Variants in AGAP1 observed in about 807,000 individuals in gnomAD.
AGAP1 encodes arf-GAP with GTPase, ANK repeat and PH domain-containing protein 1.
AGAP1 carries 29 observed loss-of-function variants against 105.3 expected under a neutral mutation model. That is an observed-to-expected ratio of 0.28 (90% confidence interval 0.21 to 0.38). AGAP1 has a LOEUF of 0.38. Ranked by LOEUF, AGAP1 falls within the 10% of genes least tolerant of loss-of-function variation. The pLI is 1.00. For synonymous variants in AGAP1, 509 were observed against 485.9 expected (o/e 1.05, Z -0.63); for missense variants, 998 against 1,165.1 (o/e 0.86, Z 2.09).
intron 1 of AGAP1, chr2:235,670,755 A>G: frequency 1.9e-6 from 2 of 1,053,520 alleles, no homozygotes; most frequent in Non-Finnish European, 2.8e-6. Flanking sequence ...GTGCTCAGCA[A>G]GAACGACGCG....
At chr2:235,703,171 G>C (rs926525000) in intron 1 of AGAP1, among the ~76,000 whole-genome samples, 2 of 151,804 alleles carry the variant, frequency 1.3e-5, no homozygotes, top group East Asian at 3.9e-4. Context: ...CAAGTGATCC[G>C]CCTGCCTCAG....
intron 9 of AGAP1, among the ~76,000 whole-genome samples, chr2:235,851,404 C>T (rs1645652172): frequency 1.3e-5 from 2 of 152,248 alleles, no homozygotes; most frequent in African/African-American, 4.8e-5. Context: ...CCCCAGGTGT[C>T]CGCATGTCAC....
rs2125659339 is a variant in AGAP1 at position 236,035,940 on chromosome 2, A to G, written c.1646-621A>G. Among the ~76,000 whole-genome samples, 2 of 152,140 alleles carry G rather than the reference A, an allele frequency of 1.3e-5. No homozygotes were observed. Among genetic ancestry groups the G allele is most frequent in the East Asian group, 3.9e-4 (2 of 5,148 alleles). The stretch of plus-strand genomic sequence containing the variant: ...AGGTGGGGTCGCAGGGTATACCCCC[A>G]AGTTCCTCTCTTCCCATTGCAGACA... On this transcript the variant is annotated intron_variant, in intron 13 of 17. Transcript: ENST00000304032. The surrounding 1 kb of genome is among the most constrained non-coding windows in gnomAD (Gnocchi z 4.2).
In AGAP1 at chr2:235,961,988, C is replaced by T. The variant is rs2054207786; in HGVS notation, c.1484-6474C>T. On this transcript the variant is annotated intron_variant, in intron 12 of 17. Coordinates refer to ENST00000304032, the MANE Select transcript of AGAP1 (RefSeq NM_001037131.3). The surrounding 1 kb of genome is among the most constrained non-coding windows in gnomAD (Gnocchi z 5.9). ...CCGCGCCCATGGAGACTGCTGGGGA[C>T]AGGCTGGGGCAGGGCGGGGTGGAGG... Among the ~76,000 whole-genome samples, 1 of 152,182 alleles carries T rather than the reference C, an allele frequency of 6.6e-6. No homozygotes were observed. Among genetic ancestry groups the T allele is most frequent in the Non-Finnish European group, 1.5e-5 (1 of 68,024 alleles).
chr2:236,075,201 A>G (rs1235943880), intron 16 of AGAP1, among the ~76,000 whole-genome samples: 1 of 152,180 alleles, frequency 6.6e-6, no homozygotes, highest in Non-Finnish European at 1.5e-5. Context: ...GGAATCTTTC[A>G]GGGGTGGCAG....
chr2:235,809,209 C>A (rs1957998850), intron 9 of AGAP1, among the ~76,000 whole-genome samples: 1 of 152,106 alleles, frequency 6.6e-6, no homozygotes, highest in South Asian at 2.1e-4. Flanking sequence ...ACCTGCTCAT[C>A]TGTGGAGGGG....
chr2:235,675,168 T>G lies in AGAP1; in HGVS notation c.164-34011T>G, dbSNP rs182561616. Among the ~76,000 whole-genome samples the G allele has an allele frequency of 4.1e-4, 59 of 142,790 alleles. No homozygotes were observed. In the East Asian group the frequency reaches 0.01, roughly 25 times the overall value. The allele number at this position is 142,790 out of a possible 152,430, so 93.7% of individuals were successfully genotyped here. On this transcript the variant is annotated intron_variant, in intron 1 of 17. Coordinates refer to ENST00000304032, the MANE Select transcript of AGAP1 (RefSeq NM_001037131.3). The stretch of plus-strand genomic sequence containing the variant: ...TGTTACTGAAAAGGACACTTTTTGT[T>G]GGTTGGTTGGTTGGTTGGTTGGTTT...
At chr2:235,868,544 T>G (rs2049291450) in intron 9 of AGAP1, among the ~76,000 whole-genome samples, 1 of 152,198 alleles carries the variant, frequency 6.6e-6, no homozygotes, top group Non-Finnish European at 1.5e-5. Flanking sequence ...GTTCCCTCTG[T>G]GTAACGATGA....
Position 235,744,654 on chromosome 2 carries a change from C to A in AGAP1, c.397-44C>A. ...CAGACATCTCTGTTCTTAATCAAGCCTGCTCACTCAGCTCCTGCTCTCCTC... is the reference window on the plus strand; with the variant it reads ...CAGACATCTCTGTTCTTAATCAAGCATGCTCACTCAGCTCCTGCTCTCCTC... On this transcript the variant is annotated intron_variant, in intron 4 of 17. Transcript: ENST00000304032. The surrounding 1 kb of genome is among the most constrained non-coding windows in gnomAD (Gnocchi z 5.2). 1 of 1,611,944 alleles carries A rather than the reference C, an allele frequency of 6.2e-7. No homozygotes were observed. Among genetic ancestry groups the A allele is most frequent in the Non-Finnish European group, 8.5e-7 (1 of 1,178,644 alleles).
chr2:236,006,204 T>G (rs1576036013), intron 13 of AGAP1, among the ~76,000 whole-genome samples: 2 of 152,110 alleles, frequency 1.3e-5, no homozygotes, highest in East Asian at 3.9e-4. Flanking sequence ...TCCCACACCC[T>G]TTGCCCTACA....
intron 16 of AGAP1, among the ~76,000 whole-genome samples, chr2:236,068,828 C>T (rs779147280): frequency 2.4e-4 from 33 of 136,302 alleles, no homozygotes; most frequent in Non-Finnish European, 4.4e-4. Flanking sequence ...AAAATTTATC[C>T]TAAAAACTGA....
intron 1 of AGAP1, among the ~76,000 whole-genome samples, chr2:235,666,909 T>A (rs1280305656): frequency 6.6e-6 from 1 of 152,082 alleles, no homozygotes; most frequent in African/African-American, 2.4e-5. Flanking sequence ...CAGTGAGAAT[T>A]GACCTCCCCC....
intron 16 of AGAP1, among the ~76,000 whole-genome samples, chr2:236,071,567 C>T (rs767060106): frequency 3.9e-5 from 6 of 152,188 alleles, no homozygotes; most frequent in Non-Finnish European, 8.8e-5. Context: ...GCAGAGGGGA[C>T]TCACGGTAAA....
intron 6 of AGAP1, among the ~76,000 whole-genome samples, chr2:235,766,336 T>C (rs893453698): frequency 2.0e-5 from 3 of 152,226 alleles, no homozygotes; most frequent in Non-Finnish European, 4.4e-5. Flanking sequence ...AGAAGGACCG[T>C]ATGGCCCATG....
At chr2:235,932,017 G>A (rs1463981598) in intron 12 of AGAP1, among the ~76,000 whole-genome samples, 1 of 152,238 alleles carries the variant, frequency 6.6e-6, no homozygotes, top group African/African-American at 2.4e-5. Flanking sequence ...AGATCTGCCT[G>A]CAGCTTCTTC....
chr2:235,943,641 T>C (rs2053365266), intron 12 of AGAP1, among the ~76,000 whole-genome samples: 1 of 152,168 alleles, frequency 6.6e-6, no homozygotes. Flanking sequence ...TGAGTCACCA[T>C]GCCTGGCCAC....
chr2:235,860,815 G>A (rs6760708), intron 9 of AGAP1, among the ~76,000 whole-genome samples: 60,596 of 152,116 alleles, frequency 0.4, 13,178 homozygotes, highest in South Asian at 0.63. Flanking sequence ...GGTTCAATTA[G>A]CATGTATAAA....
intron 16 of AGAP1, among the ~76,000 whole-genome samples, chr2:236,086,357 T>G (rs1226871880): frequency 6.6e-6 from 1 of 152,260 alleles, no homozygotes; most frequent in Non-Finnish European, 1.5e-5. Flanking sequence ...TAAACTGATT[T>G]ATGCTAAAGG....
chr2:236,054,226 T>G (rs2057987564), intron 16 of AGAP1, among the ~76,000 whole-genome samples: 1 of 152,170 alleles, frequency 6.6e-6, no homozygotes, highest in Non-Finnish European at 1.5e-5. Context: ...TCTGAGATAT[T>G]AAAAGCAGTA....
Sources: allele counts gnomAD v4.1 joint callset (sites outside exome capture counted in the v4.1 genomes callset), GRCh38; gene constraint gnomAD v4.1.1; non-coding constraint Gnocchi (gnomAD v3.1); transcripts MANE v1.5; gene names NCBI Gene and HGNC (gene_info 2026-07-23, HGNC 2026-07-21).